ATP13A4: variants seen among roughly 807,000 people sequenced by gnomAD.
ATP13A4 encodes ATPase 13A4.
A neutral mutation model predicts 142.5 loss-of-function variants in ATP13A4; 114 were observed. The observed-to-expected ratio is 0.80, with a 90% CI of 0.69 to 0.93. The LOEUF (loss-of-function observed/expected upper bound fraction) is 0.93, where lower values mean the gene tolerates loss of function less well. ATP13A4 is among the 40% of genes least tolerant of loss of function. The pLI is 0.00. For synonymous variants in ATP13A4, 488 were observed against 514.8 expected (o/e 0.95, Z 0.70); for missense variants, 1,392 against 1,454.0 (o/e 0.96, Z 0.69).
intron 25 of ATP13A4, among the ~76,000 whole-genome samples, chr3:193,417,862 C>G (rs886728011): frequency 6.8e-6 from 1 of 147,974 alleles, no homozygotes; most frequent in African/African-American, 2.5e-5. Flanking sequence ...GTGGCTCACG[C>G]CTGTAATCCC....
At chr3:193,526,689 G>A (rs985236870) in intron 1 of ATP13A4, among the ~76,000 whole-genome samples, 1 of 152,008 alleles carries the variant, frequency 6.6e-6, no homozygotes, top group Admixed American at 6.6e-5. Flanking sequence ...CAAAAATATT[G>A]TTATGGGATA....
intron 5 of ATP13A4, among the ~76,000 whole-genome samples, chr3:193,492,347 G>A (rs1386490300): frequency 2.0e-5 from 3 of 152,084 alleles, no homozygotes; most frequent in African/African-American, 4.8e-5. Context: ...AGAGGAAAAG[G>A]TATTTGTTCA....
intron 1 of ATP13A4, among the ~76,000 whole-genome samples, chr3:193,589,884 T>C (rs1404476118): frequency 6.6e-6 from 1 of 151,490 alleles, no homozygotes; most frequent in East Asian, 1.9e-4. Flanking sequence ...TGTTGTATAA[T>C]GTCATATTAA....
intron 2 of ATP13A4, among the ~76,000 whole-genome samples, chr3:193,506,009 G>GCCCA (rs1720842799): frequency 6.6e-6 from 1 of 152,154 alleles, no homozygotes; most frequent in Non-Finnish European, 1.5e-5. Context: ...CTAAGGTTTG[G>GCCCA]CCCATAGCAG....
intron 2 of ATP13A4, among the ~76,000 whole-genome samples, chr3:193,579,671 A>G (rs1368751486): frequency 1.3e-5 from 2 of 152,114 alleles, no homozygotes; most frequent in African/African-American, 4.8e-5. Context: ...AGTCATTTCT[A>G]TGCCAGCCCT....
Position 193,438,468 on chromosome 3 carries a change from T to C in ATP13A4, c.2672+7A>G, listed in dbSNP as rs1716432145. ...AGAAAACAATGTTTGAGGAAGTGCCTACTTACTTGATAAGGTGAGGTACGC... is the reference window on the plus strand; with the variant it reads ...AGAAAACAATGTTTGAGGAAGTGCCCACTTACTTGATAAGGTGAGGTACGC... On this transcript the variant is annotated splice_region_variant and intron_variant, in intron 23 of 29. Coordinates refer to ENST00000342695, the MANE Select transcript of ATP13A4 (RefSeq NM_032279.4). 1 of 1,595,876 alleles carries C rather than the reference T, an allele frequency of 6.3e-7. No individual in the cohort carries two copies. The highest frequency in any genetic ancestry group is 8.6e-7 in the Non-Finnish European group (1 of 1,163,436).
chr3:193,544,375 G>A (rs1723110565), intron 1 of ATP13A4, among the ~76,000 whole-genome samples: 1 of 152,084 alleles, frequency 6.6e-6, no homozygotes, highest in African/African-American at 2.4e-5. Context: ...AGACAGATTT[G>A]GCTGCCACAG....
intron 7 of ATP13A4, among the ~76,000 whole-genome samples, chr3:193,485,708 C>A (rs1218738489): frequency 1.3e-5 from 2 of 152,032 alleles, no homozygotes; most frequent in African/African-American, 4.8e-5. Context: ...GGAGAAGGGG[C>A]CTTTGAAAGG....
At chr3:193,537,545 A>C (rs1722651697) in intron 1 of ATP13A4, among the ~76,000 whole-genome samples, 2 of 152,192 alleles carry the variant, frequency 1.3e-5, no homozygotes, top group South Asian at 4.1e-4. Context: ...ACATCTTAGG[A>C]GCAAAAGACT....
At chr3:193,445,655 G>C (rs575731710) in intron 18 of ATP13A4, among the ~76,000 whole-genome samples, 3 of 152,098 alleles carry the variant, frequency 2.0e-5, no homozygotes, top group African/African-American at 7.2e-5. Context: ...TACTCGGGAG[G>C]CTGAAGCAGG....
chr3:193,449,125 CT>C (rs1717127064), intron 17 of ATP13A4, among the ~76,000 whole-genome samples: 1 of 152,218 alleles, frequency 6.6e-6, no homozygotes, highest in Non-Finnish European at 1.5e-5. Context: ...CCCTTTCTTT[CT>C]CCACCAGCTG....
chr3:193,493,024 T>C (rs371127914), intron 4 of ATP13A4, 27 bp from the exon 5 acceptor site: 21 of 1,601,792 alleles, frequency 1.3e-5, no homozygotes, highest in Non-Finnish European at 1.5e-5. Context: ...GAAAAGAACA[T>C]ATTTAGCAAT....
intron 18 of ATP13A4, 61 bp from the exon 19 acceptor site, chr3:193,442,617 G>A: frequency 6.5e-7 from 1 of 1,529,722 alleles, no homozygotes; most frequent in Non-Finnish European, 9.0e-7. Context: ...TTCATGCAGA[G>A]CCTTGAAAAC....
At chr3:193,517,629 C>G (rs557976560) in intron 1 of ATP13A4, among the ~76,000 whole-genome samples, 1 of 152,104 alleles carries the variant, frequency 6.6e-6, no homozygotes, top group East Asian at 1.9e-4. Context: ...TACAGGCGCC[C>G]GCCACCACGC....
chr3:193,413,050 A>C (rs1378131583), intron 26 of ATP13A4, among the ~76,000 whole-genome samples: 1 of 152,208 alleles, frequency 6.6e-6, no homozygotes, highest in Non-Finnish European at 1.5e-5. Context: ...CAACTGTTGC[A>C]GGAAGTCAGG....
rs71177402 is a variant in ATP13A4 at position 193,399,845 on chromosome 3, C to CA, written c.*2806dup. On this transcript the variant is annotated 3_prime_UTR_variant, in exon 30 of 30. Transcript: ENST00000342695. Reference sequence around the variant, plus strand: ...TGGGCAACAGAGTGAGACTCCATCTCAAAAAAAAAAAAAAAAAAAAAAGGT... The same window carrying CA: ...TGGGCAACAGAGTGAGACTCCATCTCAAAAAAAAAAAAAAAAAAAAAAAGGT... Among the ~76,000 whole-genome samples the CA allele has an allele frequency of 0.012, 857 of 72,458 alleles. 46 individuals are homozygous for CA. The highest frequency in any genetic ancestry group is 0.04 in the African/African-American group (687 of 17,284). The allele number at this position is 72,458 out of a possible 152,430, so 47.5% of individuals were successfully genotyped here.
At chr3:193,554,649 C>T (rs1723789482) in intron 1 of ATP13A4, 91 bp downstream of exon 1, 8 of 1,323,738 alleles carry the variant, frequency 6.0e-6, no homozygotes, top group East Asian at 4.9e-5. Flanking sequence ...GTGTGTGATG[C>T]GTGCGTGTGT....
chr3:193,455,068 G>A (rs1450227699), intron 16 of ATP13A4, among the ~76,000 whole-genome samples: 2 of 152,032 alleles, frequency 1.3e-5, no homozygotes. Context: ...GCCGGGTGTG[G>A]TGGCTCAAGC....
chr3:193,454,053 C>T (rs748701363), intron 17 of ATP13A4, 48 bp downstream of exon 17: 2 of 1,492,594 alleles, frequency 1.3e-6, no homozygotes, highest in East Asian at 2.3e-5. Flanking sequence ...CAACCTGGTA[C>T]ATCTTTCCAT....
Sources: allele counts gnomAD v4.1 joint callset (sites outside exome capture counted in the v4.1 genomes callset), GRCh38; gene constraint gnomAD v4.1.1; transcripts MANE v1.5; gene names NCBI Gene and HGNC (gene_info 2026-07-23, HGNC 2026-07-21).